The following EXOC4 variants were observed in gnomAD, a reference collection of about 807,000 sequenced individuals.
The protein encoded by EXOC4 is exocyst complex component 4.
Under a neutral mutation model 107.2 loss-of-function variants are expected in EXOC4, and 71 were observed. The observed-to-expected ratio is 0.66, with a 90% CI of 0.55 to 0.81. The LOEUF (loss-of-function observed/expected upper bound fraction) is 0.81. Among genes scored for constraint, EXOC4 ranks in the 30% least tolerant of loss-of-function variants. The pLI is 0.00. For missense variants in EXOC4, 1,108 were observed against 1,189.6 expected, an observed-to-expected ratio of 0.93 and a Z score of 1.01; for synonymous variants, 456 against 441.2, an observed-to-expected ratio of 1.03 and a Z score of -0.42.
At chr7:133,665,550 A>C (rs1562898344) in intron 10 of EXOC4, among the ~76,000 whole-genome samples, 1 of 152,144 alleles carries the variant, frequency 6.6e-6, no homozygotes, top group South Asian at 2.1e-4. Flanking sequence ...AATGATCTGA[A>C]GTGGCCTAGG....
intron 10 of EXOC4, among the ~76,000 whole-genome samples, chr7:133,735,210 A>ATTCTTC (rs1795415407): frequency 9.2e-6 from 1 of 108,416 alleles, no homozygotes; most frequent in Non-Finnish European, 1.8e-5. Flanking sequence ...ACAGAGGAAG[A>ATTCTTC]CTCTGTCTCA....
chr7:133,532,391 A>G (rs1045442653), intron 9 of EXOC4, among the ~76,000 whole-genome samples: 2 of 152,124 alleles, frequency 1.3e-5, no homozygotes, highest in Non-Finnish European at 2.9e-5. Flanking sequence ...TTAGGAAATG[A>G]GTATTAGTTC....
intron 11 of EXOC4, among the ~76,000 whole-genome samples, chr7:133,823,876 A>ATATATATATATATATAT (rs2151226395): frequency 6.1e-5 from 1 of 16,374 alleles, no homozygotes; most frequent in South Asian, 2.6e-3. Flanking sequence ...TATATATTAT[A>ATATATATATATATATAT]TATATATATA....
intron 9 of EXOC4, among the ~76,000 whole-genome samples, chr7:133,545,008 G>A (rs556951750): frequency 2.6e-5 from 4 of 151,770 alleles, no homozygotes; most frequent in African/African-American, 4.8e-5. Context: ...GTGTGTGTAC[G>A]TATGTATGTG....
intron 10 of EXOC4, among the ~76,000 whole-genome samples, chr7:133,782,534 G>T (rs1480335386): frequency 2.6e-5 from 4 of 152,170 alleles, no homozygotes; most frequent in African/African-American, 7.2e-5. Context: ...CTCAGATCAG[G>T]CAGGCTGAAA....
chr7:133,576,521 A>G, intron 9 of EXOC4: 1 of 1,288,766 alleles, frequency 7.8e-7, no homozygotes, highest in African/African-American at 1.5e-5. Flanking sequence ...TTACATGGCC[A>G]ATTTAGTAAC....
chr7:133,291,904 C>T lies in EXOC4; in HGVS notation c.471+2788C>T, dbSNP rs562675895. Among the ~76,000 whole-genome samples, 23 of 152,066 alleles carry T rather than the reference C, an allele frequency of 1.5e-4. No homozygotes were observed. In the East Asian group the frequency reaches 4.4e-3, roughly 29 times the overall value. ...CTATTTTGGTCACACAGCAACTTAT[C>T]ACATATGCATGGATCTGTTTCTGAG... On this transcript the variant is annotated intron_variant, in intron 3 of 17. Transcript: ENST00000253861.
Position 133,895,613 on chromosome 7 carries a change from G to A in EXOC4, c.1749G>A (p.Val583=). 6.2e-7 allele frequency: 1 copy of A among 1,614,002 alleles called. No homozygotes were observed. Among genetic ancestry groups the A allele is most frequent in the Non-Finnish European group, 8.5e-7 (1 of 1,179,944 alleles). Reference sequence around the variant, plus strand: ...TTCATTTCCAGAGCACAATCATTGTGGAGAAGACAGTTCAAGACCTCCTGA... The same window carrying A: ...TTCATTTCCAGAGCACAATCATTGTAGAGAAGACAGTTCAAGACCTCCTGA... ...QRPLLQSTII[V]EKTVQDLLNL... is the part of the protein sequence containing the mutation. Residue 583 remains valine (V), a synonymous_variant, in exon 12 of 18, where the codon GTG becomes GTA. Transcript: ENST00000253861.
intron 5 of EXOC4, among the ~76,000 whole-genome samples, chr7:133,331,265 C>T (rs535083645): frequency 3.4e-4 from 51 of 151,950 alleles, no homozygotes; most frequent in East Asian, 1.9e-3. Flanking sequence ...AAGTCCCTGT[C>T]CGTGGAAAAA....
At chr7:133,769,901 G>A (rs567589265) in intron 10 of EXOC4, among the ~76,000 whole-genome samples, 61 of 151,952 alleles carry the variant, frequency 4.0e-4, no homozygotes, top group African/African-American at 1.5e-3. Flanking sequence ...ATCATTTTCT[G>A]TGTAGTTATA....
At chr7:134,097,551 G>A in the EXOC4 span, among the ~76,000 whole-genome samples, 5 of 152,228 alleles carry the variant, frequency 3.3e-5, no homozygotes, top group Admixed American at 6.5e-5. Flanking sequence ...CTTGGTTCAC[G>A]CTAATGGAAA....
intron 9 of EXOC4, among the ~76,000 whole-genome samples, chr7:133,573,687 G>T: frequency 6.6e-6 from 1 of 150,604 alleles, no homozygotes; most frequent in Non-Finnish European, 1.5e-5. Context: ...TCTCTCTGTT[G>T]TCCAGGCTCT....
intron 2 of EXOC4, among the ~76,000 whole-genome samples, chr7:133,281,788 G>A (rs1794158945): frequency 6.8e-6 from 1 of 147,792 alleles, no homozygotes; most frequent in Non-Finnish European, 1.5e-5. Context: ...TGCAACCTTC[G>A]CCTCCCGGGT....
chr7:133,592,598 A>G (rs935400243), intron 9 of EXOC4, among the ~76,000 whole-genome samples: 5 of 151,896 alleles, frequency 3.3e-5, no homozygotes, highest in Admixed American at 1.3e-4. Flanking sequence ...GTGTGCCACC[A>G]TACCCGGCTA....
rs1338990498 is a variant in EXOC4 at position 133,823,854 on chromosome 7, TA to T, written c.1734+6311del. On this transcript the variant is annotated intron_variant, in intron 11 of 17. Transcript: ENST00000253861. ...TATATATATATATATTATATATATA[TA>T]TATATATATATATATATTATATATA... 6.2e-4 allele frequency among the ~76,000 whole-genome samples: 9 copies of T among 14,450 alleles called. 1 individual carries two copies. The African/African-American group carries it at 0.012, about 19-fold the overall frequency. The allele number at this position is 14,450 out of a possible 152,430, so 9.5% of individuals were successfully genotyped here.
chr7:133,789,002 A>G (rs932582907), intron 10 of EXOC4, among the ~76,000 whole-genome samples: 1 of 152,194 alleles, frequency 6.6e-6, no homozygotes, highest in African/African-American at 2.4e-5. Context: ...TCAGGCCACC[A>G]TAATGTCTCA....
At chr7:133,411,850 A>G (rs1322972416) in intron 7 of EXOC4, among the ~76,000 whole-genome samples, 8 of 152,280 alleles carry the variant, frequency 5.3e-5, no homozygotes, top group Admixed American at 3.9e-4. Flanking sequence ...AAGCTGTGTC[A>G]TAGTGTCAAG....
chr7:133,787,955 T>TTTTA (rs774395151), intron 10 of EXOC4, among the ~76,000 whole-genome samples: 1,533 of 31,536 alleles, frequency 0.049, 440 homozygotes, highest in South Asian at 0.07. Context: ...GTGCATATAT[T>TTTTA]TATATATTTA....
At chr7:133,294,641 G>A (rs1003480852) in intron 3 of EXOC4, among the ~76,000 whole-genome samples, 1 of 152,036 alleles carries the variant, frequency 6.6e-6, no homozygotes, top group African/African-American at 2.4e-5. Flanking sequence ...TCTTCCCAGA[G>A]GATCCCAGAG....
Sources: gnomAD v4.1 joint callset for allele counts (sites outside exome capture counted in the v4.1 genomes callset) on GRCh38, gnomAD v4.1.1 for gene constraint, MANE v1.5 for transcripts, NCBI Gene and HGNC (gene_info 2026-07-23, HGNC 2026-07-21) for gene names.